Variants in RNF157 observed in about 807,000 individuals in gnomAD.
RNF157 encodes the protein ring finger protein 157.
A neutral mutation model predicts 88.3 loss-of-function variants in RNF157; 55 were observed. The ratio of observed to expected loss-of-function variants is 0.62; its 90% CI spans 0.50 to 0.78. The LOEUF is 0.78. RNF157 is among the 30% of genes least tolerant of loss of function. The pLI, the probability that RNF157 is intolerant of heterozygous loss-of-function variation, is 0.00. For missense variants in RNF157, 788 were observed against 860.8 expected (o/e 0.92, Z 1.06); for synonymous variants, 334 against 341.2 (o/e 0.98, Z 0.23).
rs543427613 is a variant in RNF157 at position 76,188,408 on chromosome 17, G to A, written c.208-14618C>T. 5.9e-5 allele frequency among the ~76,000 whole-genome samples: 9 copies of A among 152,084 alleles called. No individual in the cohort carries two copies. The East Asian group carries it at 1.7e-3, about 29-fold the overall frequency. Reference sequence around the variant, plus strand: ...CTCTGTGGTTCTTCCTCTTTTTACTGATTTTCTGCATTTCATTAAGACCCT... The same window carrying A: ...CTCTGTGGTTCTTCCTCTTTTTACTAATTTTCTGCATTTCATTAAGACCCT... On this transcript the variant is annotated intron_variant, in intron 2 of 18. Coordinates refer to ENST00000269391, the MANE Select transcript of RNF157 (RefSeq NM_052916.3).
At chr17:76,150,579 T>C (rs952225616) in intron 18 of RNF157, among the ~76,000 whole-genome samples, 7 of 152,054 alleles carry the variant, frequency 4.6e-5, no homozygotes, top group African/African-American at 1.7e-4. Flanking sequence ...AAGTAAGGGG[T>C]TGACCAGGGT....
intron 1 of RNF157, among the ~76,000 whole-genome samples, chr17:76,237,019 T>C (rs1359198819): frequency 6.6e-6 from 1 of 152,230 alleles, no homozygotes. Context: ...AGAACAAGGC[T>C]TTCACTGTAC....
intron 2 of RNF157, among the ~76,000 whole-genome samples, chr17:76,203,600 C>G (rs1404031923): frequency 6.6e-6 from 1 of 151,230 alleles, no homozygotes; most frequent in Non-Finnish European, 1.5e-5. Flanking sequence ...TTACGGGAAC[C>G]CGCCATCATG....
rs2068788610 is a variant in RNF157, at chr17:76,157,757, C to T, written c.1413+636G>A. On this transcript the variant is annotated intron_variant, in intron 13 of 18. Transcript: ENST00000269391. The surrounding 1 kb of genome is among the most constrained non-coding windows in gnomAD (Gnocchi z 5.6). ...ACTTTATTTACCTTCCTGTGCCCTGCTGTATCTAGCTCAGTGCCCTACAGA... is the reference window on the plus strand; with the variant it reads ...ACTTTATTTACCTTCCTGTGCCCTGTTGTATCTAGCTCAGTGCCCTACAGA... 1.3e-5 allele frequency among the ~76,000 whole-genome samples: 2 copies of T among 152,106 alleles called. No individual in the cohort carries two copies. Among genetic ancestry groups the T allele is most frequent in the African/African-American group, 2.4e-5 (1 of 41,426 alleles).
chr17:76,147,400 A>G (rs199566306), intron 18 of RNF157: 175 of 903,380 alleles, frequency 1.9e-4, no homozygotes, highest in South Asian at 3.9e-4. Context: ...CACCACCACC[A>G]CCGCCGCCGC....
rs1034694421 is a variant in RNF157, at chr17:76,161,252, T to C, written c.1065+283A>G. The stretch of plus-strand genomic sequence containing the variant: ...GTCCCATTGTTTCTGCCTGGGGGAG[T>C]TCAAGTTGAACCTCACTGGAGTGAA... On this transcript the variant is annotated intron_variant, in intron 11 of 18. Transcript: ENST00000269391. This position sits in a 1 kb window ranked among gnomAD's most constrained non-coding sequence, Gnocchi z 4.6. 2.0e-5 allele frequency among the ~76,000 whole-genome samples: 3 copies of C among 151,636 alleles called. No individual in the cohort carries two copies. Among genetic ancestry groups the C allele is most frequent in the African/African-American group, 7.3e-5 (3 of 41,174 alleles).
At chr17:76,214,362 T>C (rs2069853047) in intron 1 of RNF157, among the ~76,000 whole-genome samples, 1 of 152,096 alleles carries the variant, frequency 6.6e-6, no homozygotes, top group Non-Finnish European at 1.5e-5. Flanking sequence ...TGAGTTTTTT[T>C]CCTATATCCG....
intron 1 of RNF157, among the ~76,000 whole-genome samples, chr17:76,233,433 T>C (rs2070230092): frequency 6.6e-6 from 1 of 152,248 alleles, no homozygotes; most frequent in African/African-American, 2.4e-5. Context: ...ATTTTGCTTT[T>C]GGTGTCACAT....
At chr17:76,205,716 T>C (rs1024668515) in intron 2 of RNF157, among the ~76,000 whole-genome samples, 19 of 148,238 alleles carry the variant, frequency 1.3e-4, no homozygotes, top group Non-Finnish European at 2.5e-4. Context: ...GGAGCAAGAC[T>C]CCATCTCTAA....
intron 1 of RNF157, among the ~76,000 whole-genome samples, chr17:76,221,107 A>G (rs1452780141): frequency 6.6e-6 from 1 of 151,910 alleles, no homozygotes; most frequent in Non-Finnish European, 1.5e-5. Flanking sequence ...GGCAACAGAG[A>G]CCCTATTTCA....
At chr17:76,232,240 T>C (rs1040309152) in intron 1 of RNF157, among the ~76,000 whole-genome samples, 4 of 152,122 alleles carry the variant, frequency 2.6e-5, no homozygotes, top group East Asian at 1.9e-4. Context: ...TTTAAAAAAT[T>C]AGATGGGAGT....
At chr17:76,200,613 G>A (rs1009330143) in intron 2 of RNF157, among the ~76,000 whole-genome samples, 1 of 152,176 alleles carries the variant, frequency 6.6e-6, no homozygotes, top group Non-Finnish European at 1.5e-5. Flanking sequence ...TTTCAGTTTT[G>A]TGAGATGAAA....
In RNF157 at chr17:76,195,063, A is replaced by G. The variant is rs2069457117; in HGVS notation, c.207+17301T>C. Among the ~76,000 whole-genome samples the G allele has an allele frequency of 6.6e-6, 1 of 152,172 alleles. No individual in the cohort carries two copies. Among genetic ancestry groups the G allele is most frequent in the Non-Finnish European group, 1.5e-5 (1 of 68,034 alleles). ...AGCAGAGGGAATGGGAGAGGATATT[A>G]TAATAAAAACTTGGAAGCTGAAACA... is the stretch of plus-strand genomic sequence containing the variant. On this transcript the variant is annotated intron_variant, in intron 2 of 18. Coordinates refer to ENST00000269391, the MANE Select transcript of RNF157 (RefSeq NM_052916.3). This position sits in a 1 kb window ranked among gnomAD's most constrained non-coding sequence, Gnocchi z 4.4.
At chr17:76,196,673 T>C (rs1305753804) in intron 2 of RNF157, among the ~76,000 whole-genome samples, 2 of 149,186 alleles carry the variant, frequency 1.3e-5, no homozygotes, top group Admixed American at 1.3e-4. Flanking sequence ...CCCAGGTCTC[T>C]GTACCCCTGC....
At chr17:76,155,135 C>G in intron 16 of RNF157, 117 bp downstream of exon 16, 1 of 833,914 alleles carries the variant, frequency 1.2e-6, no homozygotes, top group Non-Finnish European at 2.0e-6. Flanking sequence ...AGGCATGTCC[C>G]CTAGGAAGGC....
chr17:76,157,934 C>G lies in RNF157; in HGVS notation c.1413+459G>C, dbSNP rs1161898736. On this transcript the variant is annotated intron_variant, in intron 13 of 18. Coordinates refer to ENST00000269391, the MANE Select transcript of RNF157 (RefSeq NM_052916.3). The surrounding 1 kb of genome is among the most constrained non-coding windows in gnomAD (Gnocchi z 5.6). ...CCTTGCTGTTCCCAGACCTAGGGCC[C>G]TCTCTCCTCGTATATCTGCATAGCT... Among the ~76,000 whole-genome samples the G allele has an allele frequency of 6.6e-6, 1 of 151,968 alleles. No individual in the cohort carries two copies. Among genetic ancestry groups the G allele is most frequent in the Non-Finnish European group, 1.5e-5 (1 of 67,988 alleles).
chr17:76,177,682 T>G (rs926634538), intron 2 of RNF157, among the ~76,000 whole-genome samples: 5 of 152,022 alleles, frequency 3.3e-5, no homozygotes, highest in African/African-American at 1.2e-4. Context: ...CCAGTCTACC[T>G]GCACTTCCTC....
intron 8 of RNF157, 160 bp from the exon 9 acceptor site, chr17:76,162,783 T>C: frequency 1.9e-6 from 1 of 518,520 alleles, no homozygotes; most frequent in East Asian, 3.3e-5. Context: ...TTTTATTTAC[T>C]TATGTTTTCT....
intron 1 of RNF157, among the ~76,000 whole-genome samples, chr17:76,221,341 TA>T (rs1236906005): frequency 6.6e-6 from 1 of 151,962 alleles, no homozygotes; most frequent in Admixed American, 6.6e-5. Flanking sequence ...TTTAAAGCTT[TA>T]AAAAAAATGA....
Sources: gnomAD v4.1 joint callset for allele counts (sites outside exome capture counted in the v4.1 genomes callset) on GRCh38, gnomAD v4.1.1 for gene constraint, Gnocchi (gnomAD v3.1) non-coding constraint, MANE v1.5 for transcripts, NCBI Gene and HGNC (gene_info 2026-07-23, HGNC 2026-07-21) for gene names.